Variants in WHRN observed in about 807,000 individuals in gnomAD.
The protein encoded by WHRN is whirlin, also known as CASK-interacting protein CIP98.
WHRN carries 41 observed loss-of-function variants against 68.3 expected under a neutral mutation model. The ratio of observed to expected loss-of-function variants is 0.60; its 90% CI spans 0.47 to 0.78. WHRN has a LOEUF of 0.78. WHRN is among the 30% of genes least tolerant of loss of function. The pLI is 0.00. For missense variants in WHRN, 1,243 were observed against 1,244.7 expected (o/e 1.00, Z 0.02); for synonymous variants, 560 against 561.3 (o/e 1.00, Z 0.03).
chr9:114,425,219 C>T (rs539913153), intron 4 of WHRN, 195 bp from the exon 5 acceptor site: 19 of 712,694 alleles, frequency 2.7e-5, no homozygotes, highest in Admixed American at 2.2e-4. Context: ...AGCGTCCAGC[C>T]TCCCAATCAG....
chr9:114,446,538 G>A (rs1384258029), intron 3 of WHRN, among the ~76,000 whole-genome samples: 2 of 152,178 alleles, frequency 1.3e-5, no homozygotes, highest in Non-Finnish European at 2.9e-5. Flanking sequence ...GGTAATAAAG[G>A]CTGGTTTTAG....
chr9:114,487,111 G>A (rs1448223931), intron 1 of WHRN, among the ~76,000 whole-genome samples: 1 of 147,236 alleles, frequency 6.8e-6, no homozygotes, highest in African/African-American at 2.5e-5. Flanking sequence ...TCACAGGGTA[G>A]TTCTGATTAT....
chr9:114,431,987 G>A (rs193269014), intron 3 of WHRN, among the ~76,000 whole-genome samples: 23 of 152,306 alleles, frequency 1.5e-4, no homozygotes, highest in African/African-American at 5.3e-4. Flanking sequence ...AAGTGTGATC[G>A]AGTGTCTAAT....
intron 3 of WHRN, among the ~76,000 whole-genome samples, chr9:114,464,790 T>C (rs565247060): frequency 6.6e-6 from 1 of 151,158 alleles, no homozygotes; most frequent in African/African-American, 2.4e-5. Flanking sequence ...AGGGGAGATA[T>C]GGTAGATGTT....
chr9:114,456,576 C>T (rs1474936555), intron 3 of WHRN, among the ~76,000 whole-genome samples: 1 of 151,994 alleles, frequency 6.6e-6, no homozygotes, highest in African/African-American at 2.4e-5. Context: ...GTCTGTAATC[C>T]CAGCACTTTG....
Position 114,406,490 on chromosome 9 carries a change from C to A in WHRN, c.2101G>T (p.Gly701Cys). The A allele has an allele frequency of 1.2e-6, 2 of 1,614,182 alleles. No homozygotes were observed. Among genetic ancestry groups the A allele is most frequent in the Non-Finnish European group, 1.7e-6 (2 of 1,180,054 alleles). ...GAGGGTGATGGGGGCAGAAGGCAGCCCCCAGCCACTGTGGCCTCTGCAGAG... is the reference window on the plus strand; with the variant it reads ...GAGGGTGATGGGGGCAGAAGGCAGCACCCAGCCACTGTGGCCTCTGCAGAG... ...SPSAEATVAG[G>C]CLLPPSPSGH... Residue 701 changes from glycine (G) to cysteine (C), a missense_variant, in exon 9 of 12, where the codon GGC becomes TGC. Coordinates refer to ENST00000362057, the MANE Select transcript of WHRN (RefSeq NM_015404.4).
At chr9:114,444,427 A>G (rs547771825) in intron 3 of WHRN, among the ~76,000 whole-genome samples, 1 of 152,056 alleles carries the variant, frequency 6.6e-6, no homozygotes, top group Non-Finnish European at 1.5e-5. Context: ...AATGATATAT[A>G]ATATTTAATC....
intron 2 of WHRN, among the ~76,000 whole-genome samples, chr9:114,476,216 C>T (rs1025381614): frequency 2.6e-5 from 4 of 152,056 alleles, no homozygotes; most frequent in African/African-American, 9.7e-5. Context: ...AACCCTCCTG[C>T]CTCAGCCTCC....
At chr9:114,470,943 A>G (rs1841165259) in intron 2 of WHRN, among the ~76,000 whole-genome samples, 1 of 152,094 alleles carries the variant, frequency 6.6e-6, no homozygotes, top group Non-Finnish European at 1.5e-5. Context: ...CCATGTCTGC[A>G]GCAGCCCACT....
intron 3 of WHRN, among the ~76,000 whole-genome samples, chr9:114,431,305 C>T (rs1837402639): frequency 6.6e-6 from 1 of 152,170 alleles, no homozygotes; most frequent in South Asian, 2.1e-4. Context: ...ATGGAACCAC[C>T]CTGCACAGAG....
intron 2 of WHRN, among the ~76,000 whole-genome samples, chr9:114,472,758 C>A (rs747800280): frequency 6.6e-6 from 1 of 152,148 alleles, no homozygotes; most frequent in Non-Finnish European, 1.5e-5. Flanking sequence ...AATACCAGTA[C>A]CTAGTCAGCA....
intron 1 of WHRN, among the ~76,000 whole-genome samples, chr9:114,501,086 G>T (rs182197636): frequency 1.6e-3 from 239 of 152,290 alleles, no homozygotes; most frequent in Non-Finnish European, 2.9e-3. Flanking sequence ...ATCCACCCTG[G>T]AACCCAGAGA....
intron 3 of WHRN, among the ~76,000 whole-genome samples, chr9:114,453,648 A>G (rs1839525809): frequency 6.6e-6 from 1 of 152,200 alleles, no homozygotes; most frequent in East Asian, 1.9e-4. Context: ...ACTTGGATGA[A>G]TGGACCAATT....
intron 1 of WHRN, among the ~76,000 whole-genome samples, chr9:114,500,311 G>A (rs746491055): frequency 4.6e-5 from 7 of 152,118 alleles, no homozygotes; most frequent in Non-Finnish European, 1.0e-4. Flanking sequence ...ACAAGACCGG[G>A]GCAGAAGCTA....
intron 2 of WHRN, among the ~76,000 whole-genome samples, chr9:114,477,629 G>A (rs1431634166): frequency 6.6e-6 from 1 of 152,176 alleles, no homozygotes; most frequent in Non-Finnish European, 1.5e-5. Flanking sequence ...CAGCCCGTGA[G>A]GTGCTCCCTC....
At chr9:114,500,234 G>A (rs1194372426) in intron 1 of WHRN, among the ~76,000 whole-genome samples, 1 of 152,184 alleles carries the variant, frequency 6.6e-6, no homozygotes, top group African/African-American at 2.4e-5. Context: ...GGACCCAAGA[G>A]TGAAAACAGG....
intron 1 of WHRN, among the ~76,000 whole-genome samples, chr9:114,487,178 C>G (rs1444649182): frequency 7.2e-6 from 1 of 139,064 alleles, no homozygotes; most frequent in East Asian, 2.0e-4. Context: ...GTAAGAGATA[C>G]CAAAAAAAAA....
At chr9:114,466,134 G>T in intron 3 of WHRN, 133 bp downstream of exon 3, 1 of 1,381,276 alleles carries the variant, frequency 7.2e-7, no homozygotes, top group Non-Finnish European at 1.0e-6. Context: ...TAGAGGTACA[G>T]CAGCCAGGGA....
intron 2 of WHRN, among the ~76,000 whole-genome samples, chr9:114,474,665 G>C (rs1273327782): frequency 6.6e-6 from 1 of 152,160 alleles, no homozygotes; most frequent in Non-Finnish European, 1.5e-5. Context: ...CTAGTGGGCA[G>C]GACCTCCCTT....
Sources: gnomAD v4.1 joint callset for allele counts (sites outside exome capture counted in the v4.1 genomes callset) on GRCh38, gnomAD v4.1.1 for gene constraint, MANE v1.5 for transcripts, NCBI Gene and HGNC (gene_info 2026-07-23, HGNC 2026-07-21) for gene names.